Variants in SSH2 observed in about 807,000 individuals in gnomAD.
SSH2 encodes the protein protein phosphatase Slingshot homolog 2.
In SSH2, 37 loss-of-function variants were observed where a neutral mutation model predicts 135.2. That is an observed-to-expected ratio of 0.27 (90% confidence interval 0.21 to 0.36). SSH2 has a LOEUF of 0.36. SSH2 is among the 10% of genes least tolerant of loss of function. SSH2 has a pLI of 1.00. For missense variants in SSH2, 1,408 were observed against 1,765.3 expected, an observed-to-expected ratio of 0.80 and a Z score of 3.63; for synonymous variants, 628 against 646.2, an observed-to-expected ratio of 0.97 and a Z score of 0.43.
intron 1 of SSH2, among the ~76,000 whole-genome samples, chr17:29,899,995 G>C (rs2066517091): frequency 6.6e-6 from 1 of 152,120 alleles, no homozygotes; most frequent in South Asian, 2.1e-4. Context: ...ACAACTATCT[G>C]ATCTTTGACA....
At chr17:29,909,843 A>G (rs2066733175) in intron 1 of SSH2, among the ~76,000 whole-genome samples, 1 of 152,264 alleles carries the variant, frequency 6.6e-6, no homozygotes, top group Non-Finnish European at 1.5e-5. Flanking sequence ...GCAACAAGTG[A>G]TAAGGTACAA....
chr17:29,926,207 T>C (rs561034922), intron 1 of SSH2, among the ~76,000 whole-genome samples: 24 of 152,172 alleles, frequency 1.6e-4, no homozygotes, highest in African/African-American at 5.3e-4. Flanking sequence ...CCTCTCTCTC[T>C]TTCTCAAAGC....
intron 3 of SSH2, among the ~76,000 whole-genome samples, chr17:29,790,549 A>G (rs1343209533): frequency 3.3e-5 from 5 of 152,128 alleles, no homozygotes; most frequent in African/African-American, 7.2e-5. Flanking sequence ...TTCTGGATTT[A>G]ACCCCTTATG....
chr17:29,670,456 A>T (rs2037446908), intron 9 of SSH2, among the ~76,000 whole-genome samples: 1 of 152,200 alleles, frequency 6.6e-6, no homozygotes, highest in African/African-American at 2.4e-5. Flanking sequence ...TGCTTTTTTG[A>T]CTGTTCCTTT....
intron 15 of SSH2, among the ~76,000 whole-genome samples, chr17:29,635,089 A>C (rs1331795917): frequency 6.6e-6 from 1 of 151,738 alleles, no homozygotes; most frequent in East Asian, 2.0e-4. Flanking sequence ...TTTTTTGTAG[A>C]GACAGGGTTT....
chr17:29,925,131 G>C (rs1002997621), intron 1 of SSH2: 1 of 156,804 alleles, frequency 6.4e-6, no homozygotes, highest in Admixed American at 6.5e-5. Context: ...TAATTTTTGG[G>C]GCTACTTGAG....
intron 2 of SSH2, among the ~76,000 whole-genome samples, chr17:29,843,106 G>C (rs1034836253): frequency 6.6e-6 from 1 of 152,226 alleles, no homozygotes; most frequent in Non-Finnish European, 1.5e-5. Flanking sequence ...TATCAGGAAT[G>C]ACAGGACGTG....
At chr17:29,867,964 T>C (rs2151418034) in intron 1 of SSH2, among the ~76,000 whole-genome samples, 1 of 152,306 alleles carries the variant, frequency 6.6e-6, no homozygotes, top group East Asian at 1.9e-4. Context: ...TAATTTCCTA[T>C]ATAGCATTCT....
chr17:29,823,815 G>T (rs1335855900), intron 2 of SSH2, among the ~76,000 whole-genome samples: 2 of 144,222 alleles, frequency 1.4e-5, no homozygotes, highest in African/African-American at 5.2e-5. Flanking sequence ...GGAGCCAGAG[G>T]TTGCAGTGAA....
chr17:29,821,235 T>C (rs1295105088), intron 2 of SSH2, among the ~76,000 whole-genome samples: 1 of 152,198 alleles, frequency 6.6e-6, no homozygotes, highest in African/African-American at 2.4e-5. Context: ...ATAAATTACA[T>C]GCATTCACAT....
chr17:29,743,906 CCTTTTTTTTTTTT>C (rs1384639583), intron 3 of SSH2, among the ~76,000 whole-genome samples: 1 of 107,534 alleles, frequency 9.3e-6, no homozygotes, highest in African/African-American at 4.6e-5. Flanking sequence ...TTTCTTTTTT[CCTTTTTTTTTTTT>C]TTTTTTTTTT....
chr17:29,862,866 C>T (rs1265412548), intron 1 of SSH2, among the ~76,000 whole-genome samples: 1 of 152,180 alleles, frequency 6.6e-6, no homozygotes, highest in Non-Finnish European at 1.5e-5. Flanking sequence ...CTCACCCATC[C>T]TTCAAAGCAC....
chr17:29,740,448 C>CT lies in SSH2; in HGVS notation c.189-37387dup, dbSNP rs34076256. On this transcript the variant is annotated intron_variant, in intron 3 of 15. Coordinates refer to ENST00000540801, the MANE Select transcript of SSH2 (RefSeq NM_001282129.2). ...TCTTTTTCTTTTATTTTATTACCCT[C>CT]TTTTTTTTTTTTCAGTAAATTTGCC... is the stretch of plus-strand genomic sequence containing the variant. Among the ~76,000 whole-genome samples, 76 of 147,758 alleles carry CT rather than the reference C, an allele frequency of 5.1e-4. No homozygotes were observed. The East Asian group carries it at 6.3e-3, about 12-fold the overall frequency.
At chr17:29,647,890 T>A (rs1200371891) in intron 14 of SSH2, 1 of 402,264 alleles carries the variant, frequency 2.5e-6, no homozygotes, top group Non-Finnish European at 4.6e-6. Context: ...CTCGAACTCC[T>A]GACCTCAAAT....
At chr17:29,790,704 T>C (rs1267782549) in intron 3 of SSH2, among the ~76,000 whole-genome samples, 1 of 152,148 alleles carries the variant, frequency 6.6e-6, no homozygotes, top group Admixed American at 6.6e-5. Flanking sequence ...AAAGCCATCA[T>C]AGTTTGGTCT....
intron 14 of SSH2, chr17:29,647,813 T>C (rs188070468): frequency 1.8e-3 from 463 of 255,616 alleles, no homozygotes; most frequent in Admixed American, 6.2e-3. Flanking sequence ...CAGGGGCCCA[T>C]CATCATGCCC....
chr17:29,831,797 T>A (rs12602426), intron 2 of SSH2, among the ~76,000 whole-genome samples: 12 of 151,718 alleles, frequency 7.9e-5, no homozygotes, highest in African/African-American at 2.7e-4. Flanking sequence ...CGAGGCTGTC[T>A]CCAACTCCTG....
intron 4 of SSH2, among the ~76,000 whole-genome samples, chr17:29,698,703 C>T (rs2038862595): frequency 1.3e-5 from 2 of 152,026 alleles, no homozygotes; most frequent in African/African-American, 2.4e-5. Flanking sequence ...CACCATGTTG[C>T]CCAGGCTGGT....
chr17:29,785,192 T>C (rs879730552), intron 3 of SSH2, among the ~76,000 whole-genome samples: 41 of 152,108 alleles, frequency 2.7e-4, no homozygotes, highest in Non-Finnish European at 3.2e-4. Context: ...TAATATATTA[T>C]ATGTATTGCT....
Sources: allele counts gnomAD v4.1 joint callset (sites outside exome capture counted in the v4.1 genomes callset), GRCh38; gene constraint gnomAD v4.1.1; transcripts MANE v1.5; gene names NCBI Gene and HGNC (gene_info 2026-07-23, HGNC 2026-07-21).